Variants in SUFU observed in about 807,000 individuals in gnomAD.
The protein encoded by SUFU is suppressor of fused homolog.
SUFU carries 7 observed loss-of-function variants against 58.9 expected under a neutral mutation model. That is an observed-to-expected ratio of 0.12 (90% CI 0.07 to 0.22). The LOEUF is 0.22. Ranked by LOEUF, SUFU falls within the 10% of genes least tolerant of loss-of-function variation. The pLI, the probability that SUFU is intolerant of heterozygous loss-of-function variation, is 1.00. For missense variants in SUFU, 451 were observed against 641.3 expected (o/e 0.70, Z 3.20); for synonymous variants, 232 against 254.8 (o/e 0.91, Z 0.85).
At chr10:102,592,485 G>A (rs2063413361) in intron 3 of SUFU, 97 bp from the exon 4 acceptor site, 2 of 1,449,696 alleles carry the variant, frequency 1.4e-6, no homozygotes, top group East Asian at 2.3e-5. Context: ...CTAAGAGGCT[G>A]GGAAGCCTCC....
At chr10:102,506,544 A>G (rs2062329935) in intron 1 of SUFU, among the ~76,000 whole-genome samples, 2 of 152,122 alleles carry the variant, frequency 1.3e-5, no homozygotes, top group African/African-American at 4.8e-5. Flanking sequence ...TTGCCCAGCT[A>G]ATTTTTGTAT....
Position 102,619,010 on chromosome 10 carries a change from G to A in SUFU, c.1296+1582G>A, listed in dbSNP as rs964134898. On this transcript the variant is annotated intron_variant, in intron 10 of 11. Transcript: ENST00000369902. The surrounding 1 kb of genome is among the most constrained non-coding windows in gnomAD (Gnocchi z 4.2). Reference sequence around the variant, plus strand: ...TCAAGCACGTTTTCCTGGGACAGTCGGGACTGGGGCCTCCCCAAACTGCAG... The same window carrying A: ...TCAAGCACGTTTTCCTGGGACAGTCAGGACTGGGGCCTCCCCAAACTGCAG... 53 of 1,572,942 alleles carry A rather than the reference G, an allele frequency of 3.4e-5. No individual in the cohort carries two copies. Among genetic ancestry groups the A allele is most frequent in the Non-Finnish European group, 4.2e-5 (48 of 1,148,988 alleles).
chr10:102,539,907 T>G (rs185311056), intron 2 of SUFU, among the ~76,000 whole-genome samples: 72 of 152,348 alleles, frequency 4.7e-4, no homozygotes, highest in African/African-American at 1.7e-3. Context: ...CCAGTGTCAC[T>G]AGGTCCATTA....
chr10:102,622,676 G>A (rs1320763711), intron 10 of SUFU, among the ~76,000 whole-genome samples: 2 of 151,304 alleles, frequency 1.3e-5, no homozygotes, highest in Non-Finnish European at 2.9e-5. Flanking sequence ...GCCCCTGGCC[G>A]GGCCCAGTGG....
chr10:102,510,530 G>T (rs1344476879), intron 2 of SUFU, among the ~76,000 whole-genome samples: 1 of 146,726 alleles, frequency 6.8e-6, no homozygotes, highest in Non-Finnish European at 1.5e-5. Flanking sequence ...ATTTTAAAAA[G>T]ATTTTTTTTG....
In SUFU at chr10:102,597,253, C is replaced by T. The variant is rs970618921; in HGVS notation, c.870C>T (p.Ser290=). ...RPPEDDEDSR[S]ICIGTQPRRL... ...CCGAGGATGACGAGGACAGCCGGAG[C>T]ATCTGCATCGGCACACAGCCCCGGC... The change falls in exon 7 of 12, where the codon AGC becomes AGT. Residue 290 remains serine (S), a synonymous_variant. Transcript: ENST00000369902. 1.2e-6 allele frequency: 2 copies of T among 1,613,996 alleles called. No individual in the cohort carries two copies. Among genetic ancestry groups the T allele is most frequent in the Non-Finnish European group, 1.7e-6 (2 of 1,180,008 alleles).
At chr10:102,556,959 C>T (rs1181581155) in intron 3 of SUFU, among the ~76,000 whole-genome samples, 1 of 151,618 alleles carries the variant, frequency 6.6e-6, no homozygotes, top group East Asian at 1.9e-4. Flanking sequence ...GATGGTGGTG[C>T]ACATCTGTAA....
At chr10:102,605,320 G>T (rs1048132150) in intron 8 of SUFU, among the ~76,000 whole-genome samples, 3 of 152,054 alleles carry the variant, frequency 2.0e-5, no homozygotes, top group Non-Finnish European at 4.4e-5. Context: ...TTCGAGACCA[G>T]CCTGGGCAAC....
intron 2 of SUFU, among the ~76,000 whole-genome samples, chr10:102,518,906 G>A (rs1328452392): frequency 2.6e-5 from 4 of 151,392 alleles, no homozygotes; most frequent in East Asian, 2.0e-4. Context: ...TTGGGAGGCC[G>A]AGGCAGGCGG....
At chr10:102,591,741 A>ATAT (rs1418886262) in intron 3 of SUFU, 6 of 152,320 alleles carry the variant, frequency 3.9e-5, no homozygotes, top group African/African-American at 1.4e-4. Flanking sequence ...CATAGGCTGG[A>ATAT]CATATAGAGC....
At chr10:102,520,092 C>T (rs1305425609) in intron 2 of SUFU, among the ~76,000 whole-genome samples, 1 of 149,872 alleles carries the variant, frequency 6.7e-6, no homozygotes. Flanking sequence ...ATTATTAACA[C>T]CTTGCATTAT....
intron 2 of SUFU, among the ~76,000 whole-genome samples, chr10:102,526,587 T>C (rs1441198016): frequency 6.6e-6 from 1 of 152,012 alleles, no homozygotes; most frequent in Non-Finnish European, 1.5e-5. Flanking sequence ...GCAGGGATGG[T>C]ACTCTGGAGC....
rs1176832956 is a variant in SUFU, at chr10:102,629,812, T to C, written c.1366-254T>C. 6.6e-6 allele frequency among the ~76,000 whole-genome samples: 1 copy of C among 152,094 alleles called. No homozygotes were observed. The highest frequency in any genetic ancestry group is 1.5e-5 in the Non-Finnish European group (1 of 67,996). On this transcript the variant is annotated intron_variant, in intron 11 of 11. Coordinates refer to ENST00000369902, the MANE Select transcript of SUFU (RefSeq NM_016169.4). The surrounding 1 kb of genome is among the most constrained non-coding windows in gnomAD (Gnocchi z 4.7). ...GTGAGCAAGAGGGAGGTCAGCTTAGTGGAGAAAGGAGGAGAAAACGCCCTC... is the reference window on the plus strand; with the variant it reads ...GTGAGCAAGAGGGAGGTCAGCTTAGCGGAGAAAGGAGGAGAAAACGCCCTC...
intron 2 of SUFU, among the ~76,000 whole-genome samples, chr10:102,537,608 A>G (rs779663201): frequency 6.6e-6 from 1 of 152,126 alleles, no homozygotes; most frequent in African/African-American, 2.4e-5. Context: ...TTCTGTCTCT[A>G]TGAATGTGAC....
intron 8 of SUFU, 122 bp from the exon 9 acceptor site, chr10:102,615,146 C>A: frequency 7.0e-7 from 1 of 1,430,850 alleles, no homozygotes; most frequent in Non-Finnish European, 9.7e-7. Context: ...TGGCTGTCAC[C>A]ATCATTATCA....
Position 102,633,444 on chromosome 10 carries a change from T to A in SUFU, c.*3289T>A, listed in dbSNP as rs2063854428. On this transcript the variant is annotated 3_prime_UTR_variant, in exon 12 of 12. Transcript: ENST00000369902. Reference sequence around the variant, plus strand: ...CTCTGTAATCTAAGTGCATTAAACATCTTTGCAGAAGTGCCTGGGTTGTGT... The same window carrying A: ...CTCTGTAATCTAAGTGCATTAAACAACTTTGCAGAAGTGCCTGGGTTGTGT... 2 of 230,690 alleles carry A rather than the reference T, an allele frequency of 8.7e-6. No individual in the cohort carries two copies. The highest frequency in any genetic ancestry group is 8.6e-6 in the Non-Finnish European group (1 of 116,226). The allele number at this position is 230,690 out of a possible 1,614,324, so 14.3% of individuals were successfully genotyped here.
At chr10:102,578,394 A>G (rs2063237152) in intron 3 of SUFU, among the ~76,000 whole-genome samples, 2 of 152,106 alleles carry the variant, frequency 1.3e-5, no homozygotes, top group South Asian at 4.1e-4. Context: ...CCTGGCCAAC[A>G]TGGTGAAACC....
At chr10:102,503,924 G>A (rs1163566050), upstream of SUFU, 2 of 523,432 alleles carry the variant, frequency 3.8e-6, no homozygotes, top group Non-Finnish European at 6.5e-6. Flanking sequence ...AGGGTGCGCC[G>A]GCGCCCCGCC....
intron 8 of SUFU, among the ~76,000 whole-genome samples, chr10:102,603,490 C>T (rs2063533542): frequency 6.6e-6 from 1 of 152,174 alleles, no homozygotes; most frequent in Non-Finnish European, 1.5e-5. Flanking sequence ...CAGGTGTGCA[C>T]ACTTATGTTA....
Sources: gnomAD v4.1 joint callset for allele counts (sites outside exome capture counted in the v4.1 genomes callset) on GRCh38, gnomAD v4.1.1 for gene constraint, Gnocchi (gnomAD v3.1) non-coding constraint, MANE v1.5 for transcripts, NCBI Gene and HGNC (gene_info 2026-07-23, HGNC 2026-07-21) for gene names.